The following ZNF423 variants were observed in gnomAD, a reference collection of about 807,000 sequenced individuals.
The protein encoded by ZNF423 is zinc finger protein 423.
A neutral mutation model predicts 95.8 loss-of-function variants in ZNF423; 12 were observed. The observed-to-expected ratio is 0.13, with a 90% CI of 0.08 to 0.20. The LOEUF (loss-of-function observed/expected upper bound fraction) is 0.20. Ranked by LOEUF, ZNF423 falls within the 10% of genes least tolerant of loss-of-function variation. The pLI, the probability that ZNF423 is intolerant of heterozygous loss-of-function variation, is 1.00. For synonymous variants in ZNF423, 749 were observed against 711.9 expected, an observed-to-expected ratio of 1.05 and a Z score of -0.83; for missense variants, 1,316 against 1,737.1, an observed-to-expected ratio of 0.76 and a Z score of 4.31.
chr16:49,825,500 C>T (rs6500259), intron 1 of ZNF423, among the ~76,000 whole-genome samples: 493 of 151,590 alleles, frequency 3.3e-3, no homozygotes, highest in African/African-American at 0.011. Context: ...TAAACTGACA[C>T]AATGGCACCG....
intron 2 of ZNF423, among the ~76,000 whole-genome samples, chr16:49,783,508 T>C (rs1332459854): frequency 4.5e-4 from 30 of 66,542 alleles, no homozygotes; most frequent in African/African-American, 1.7e-3. Flanking sequence ...CAGGCTGGGA[T>C]GGGCGGGAAA....
chr16:49,536,430 TG>T (rs1447538923), intron 5 of ZNF423, among the ~76,000 whole-genome samples: 1 of 132,314 alleles, frequency 7.6e-6, no homozygotes, highest in African/African-American at 2.6e-5. Context: ...AGTTTCTGGG[TG>T]GTTTTTTTTT....
intron 7 of ZNF423, among the ~76,000 whole-genome samples, chr16:49,516,978 T>C (rs954469484): frequency 7.2e-5 from 11 of 152,178 alleles, no homozygotes; most frequent in African/African-American, 2.4e-4. Flanking sequence ...AGGGTGTCTG[T>C]CTTAGCAGAA....
Position 49,603,540 on chromosome 16 carries a change from G to T in ZNF423, c.3601+22630C>A, listed in dbSNP as rs1335567230. On this transcript the variant is annotated intron_variant, in intron 5 of 7. Transcript: ENST00000563137. The surrounding 1 kb of genome is among the most constrained non-coding windows in gnomAD (Gnocchi z 4.1). ...TTCTCCTGCCTCAGCCTCCAGAGTA[G>T]CTGGGATTACAGGCGCCCGCCACCA... Among the ~76,000 whole-genome samples, 2 of 152,154 alleles carry T rather than the reference G, an allele frequency of 1.3e-5. No homozygotes were observed. Among genetic ancestry groups the T allele is most frequent in the African/African-American group, 4.8e-5 (2 of 41,426 alleles).
chr16:49,595,518 T>C (rs1001038309), intron 5 of ZNF423, among the ~76,000 whole-genome samples: 1 of 152,192 alleles, frequency 6.6e-6, no homozygotes. Context: ...ACTGGAGGGA[T>C]TCACAGGTAA....
intron 1 of ZNF423, among the ~76,000 whole-genome samples, chr16:49,798,055 T>G (rs1372850786): frequency 6.6e-6 from 1 of 152,034 alleles, no homozygotes; most frequent in Non-Finnish European, 1.5e-5. Flanking sequence ...ATAAAAAATT[T>G]AAAAAGTAAC....
At position 49,829,867 on chromosome 16, in the gene ZNF423, G is replaced by A. The variant is rs139236199; in HGVS notation, c.40+25868C>T. Among the ~76,000 whole-genome samples, 511 of 152,218 alleles carry A rather than the reference G, an allele frequency of 3.4e-3. 2 individuals carry two copies. Among genetic ancestry groups the A allele is most frequent in the African/African-American group, 0.011 (436 of 41,516 alleles). On this transcript the variant is annotated intron_variant, in intron 1 of 7. Coordinates refer to ENST00000563137, the MANE Select transcript of ZNF423 (RefSeq NM_001379286.1). ...AATTCAGGTAAGATGGGGGACAAGCGGCTCCTTCATTCAGTCAATATCTCC... is the reference window on the plus strand; with the variant it reads ...AATTCAGGTAAGATGGGGGACAAGCAGCTCCTTCATTCAGTCAATATCTCC...
At chr16:49,644,823 C>T (rs553976045) in intron 3 of ZNF423, among the ~76,000 whole-genome samples, 14 of 152,202 alleles carry the variant, frequency 9.2e-5, no homozygotes, top group African/African-American at 3.4e-4. Flanking sequence ...TGCATCCCAC[C>T]TTGGTCCTGC....
intron 2 of ZNF423, among the ~76,000 whole-genome samples, chr16:49,786,588 G>A (rs1386332993): frequency 6.6e-6 from 1 of 152,194 alleles, no homozygotes; most frequent in African/African-American, 2.4e-5. Flanking sequence ...GTCTTGCCAG[G>A]GACCTTCCAG....
rs140264970 is a variant in ZNF423 at position 49,578,488 on chromosome 16, C to T, written c.3601+47682G>A. Among the ~76,000 whole-genome samples, 362 of 152,320 alleles carry T rather than the reference C, an allele frequency of 2.4e-3. 2 individuals are homozygous for T. The highest frequency in any genetic ancestry group is 7.7e-3 in the African/African-American group (319 of 41,576). On this transcript the variant is annotated intron_variant, in intron 5 of 7. Transcript: ENST00000563137. ...ATCCCTGTCTGAAATTGCTTCACTC[C>T]GAGAGCTTGTGGGCCGCGGGAGCCT...
chr16:49,802,360 A>G (rs750589), intron 1 of ZNF423, among the ~76,000 whole-genome samples: 50,871 of 151,988 alleles, frequency 0.33, 8,676 homozygotes, highest in Non-Finnish European at 0.36. Context: ...GGTCTCCCTA[A>G]GCACTCAAGG....
intron 2 of ZNF423, among the ~76,000 whole-genome samples, chr16:49,783,676 A>G (rs1218004174): frequency 6.6e-6 from 1 of 151,852 alleles, no homozygotes; most frequent in Non-Finnish European, 1.5e-5. Context: ...TGCGCAGAAT[A>G]AAGGGGATTT....
intron 5 of ZNF423, among the ~76,000 whole-genome samples, chr16:49,600,684 C>A (rs1455540449): frequency 6.6e-6 from 1 of 152,176 alleles, no homozygotes; most frequent in Non-Finnish European, 1.5e-5. Context: ...ACGTTTATTA[C>A]CCGCCAGCGG....
chr16:49,632,572 C>T (rs1041478757), intron 4 of ZNF423, among the ~76,000 whole-genome samples: 2 of 152,104 alleles, frequency 1.3e-5, no homozygotes, highest in Non-Finnish European at 2.9e-5. Context: ...GAGAGGAAGG[C>T]CTGGGGGCCC....
chr16:49,627,978 C>T (rs1221493862), intron 4 of ZNF423, among the ~76,000 whole-genome samples: 1 of 150,386 alleles, frequency 6.6e-6, no homozygotes, highest in Non-Finnish European at 1.5e-5. Context: ...CTACTCCACC[C>T]ATCCATCCAT....
intron 7 of ZNF423, 137 bp from the exon 8 acceptor site, chr16:49,491,441 A>C (rs1966958304): frequency 9.0e-7 from 1 of 1,113,592 alleles, no homozygotes; most frequent in Non-Finnish European, 1.3e-6. Context: ...ACAAGGAAAA[A>C]GTGCTCCAGG....
chr16:49,628,893 T>A (rs1271368459), intron 4 of ZNF423, among the ~76,000 whole-genome samples: 1 of 152,120 alleles, frequency 6.6e-6, no homozygotes, highest in Non-Finnish European at 1.5e-5. Context: ...GGGACAGAGG[T>A]GGTGTTGCCC....
Position 49,636,708 on chromosome 16 carries a change from G to A in ZNF423, c.2468C>T (p.Ala823Val). ...KKYNCKFCSK[A>V]FHAIILLEKH... ...CTCCAGCAGGATGATGGCGTGGAAG[G>A]CCTTGCTGCAGAACTTACAGTTATA... is the stretch of plus-strand genomic sequence containing the variant. The change falls in exon 4 of 8, where the codon GCC (alanine) becomes GTC (valine). Residue 823 changes from alanine (A) to valine (V), a missense_variant. Coordinates refer to ENST00000563137, the MANE Select transcript of ZNF423 (RefSeq NM_001379286.1). This position sits in a 1 kb window ranked among gnomAD's most constrained non-coding sequence, Gnocchi z 8.6. 1.2e-6 allele frequency: 2 copies of A among 1,614,088 alleles called. No individual in the cohort carries two copies. Among genetic ancestry groups the A allele is most frequent in the Non-Finnish European group, 1.7e-6 (2 of 1,180,028 alleles).
intron 2 of ZNF423, among the ~76,000 whole-genome samples, chr16:49,774,341 G>T (rs574477092): frequency 1.1e-4 from 16 of 152,098 alleles, no homozygotes; most frequent in Middle Eastern, 3.2e-3. Flanking sequence ...CAGGGCACCC[G>T]CCAGACACGG....
Sources: gnomAD v4.1 joint callset for allele counts (sites outside exome capture counted in the v4.1 genomes callset) on GRCh38, gnomAD v4.1.1 for gene constraint, Gnocchi (gnomAD v3.1) non-coding constraint, MANE v1.5 for transcripts, NCBI Gene and HGNC (gene_info 2026-07-23, HGNC 2026-07-21) for gene names.